ATP13A5: variants seen among roughly 807,000 people sequenced by gnomAD.
ATP13A5 encodes the protein probable cation-transporting ATPase 13A5.
A neutral mutation model predicts 150.2 loss-of-function variants in ATP13A5; 149 were observed. The ratio of observed to expected loss-of-function variants is 0.99; its 90% CI spans 0.87 to 1.14. The LOEUF is 1.14. Among genes scored for constraint, ATP13A5 ranks in the 50% most tolerant of loss-of-function variants. The pLI is 0.00. For synonymous variants in ATP13A5, 497 were observed against 522.2 expected (o/e 0.95, Z 0.66); for missense variants, 1,383 against 1,449.3 (o/e 0.95, Z 0.74).
At chr3:193,283,639 C>G (rs1235834475) in intron 27 of ATP13A5, among the ~76,000 whole-genome samples, 1 of 152,048 alleles carries the variant, frequency 6.6e-6, no homozygotes, top group Non-Finnish European at 1.5e-5. Context: ...TCCAAAACAA[C>G]TGATAGAAGT....
chr3:193,296,941 C>T (rs1427779415), intron 25 of ATP13A5, among the ~76,000 whole-genome samples: 1 of 151,906 alleles, frequency 6.6e-6, no homozygotes, highest in African/African-American at 2.4e-5. Context: ...TAGTGGGAGA[C>T]AAAACACGCT....
intron 1 of ATP13A5, among the ~76,000 whole-genome samples, chr3:193,368,421 T>TGTGTGTGTGTGTGTGG (rs1713327388): frequency 6.6e-6 from 1 of 151,186 alleles, no homozygotes; most frequent in Non-Finnish European, 1.5e-5. Flanking sequence ...TGTGTGTGTG[T>TGTGTGTGTGTGTGTGG]GGTAATTGAC....
In ATP13A5 at chr3:193,364,234, A is replaced by T; in HGVS notation, c.110T>A (p.Leu37His). 6.2e-7 allele frequency: 1 copy of T among 1,614,128 alleles called. No homozygotes were observed. Among genetic ancestry groups the T allele is most frequent in the Non-Finnish European group, 8.5e-7 (1 of 1,179,960 alleles). The stretch of plus-strand genomic sequence containing the variant: ...CCCACAGGTCAGCACGGATGCGACA[A>T]GGCAGAAGGCTTTCCGTACATTGTG... ...RDHNVRKAFC[L>H]VASVLTCGGL... The change falls in exon 2 of 30, where the codon CTT becomes CAT. Residue 37 changes from leucine (L) to histidine (H), a missense_variant. Leu to His is a moderately conservative substitution (Grantham distance 99). Coordinates refer to ENST00000342358, the MANE Select transcript of ATP13A5 (RefSeq NM_198505.4).
intron 22 of ATP13A5, among the ~76,000 whole-genome samples, chr3:193,306,942 C>T (rs139223172): frequency 5.9e-5 from 9 of 152,094 alleles, no homozygotes; most frequent in East Asian, 1.9e-4. Flanking sequence ...TTTCAAACTT[C>T]GTTTCATTGA....
chr3:193,301,105 T>A (rs1208701968), intron 24 of ATP13A5, 106 bp downstream of exon 24: 1 of 965,302 alleles, frequency 1.0e-6, no homozygotes. Context: ...TTGAGAAATG[T>A]CATTTGTTTA....
chr3:193,281,380 T>A, intron 27 of ATP13A5: 1 of 162,280 alleles, frequency 6.2e-6, no homozygotes, highest in Non-Finnish European at 1.3e-5. Context: ...GGTCATCTTT[T>A]AAAATTCAGC....
intron 24 of ATP13A5, among the ~76,000 whole-genome samples, chr3:193,300,363 G>T (rs1718351843): frequency 6.6e-6 from 1 of 152,138 alleles, no homozygotes; most frequent in African/African-American, 2.4e-5. Context: ...GACCTAATTT[G>T]TTCTTTTGGA....
At chr3:193,275,430 C>T in intron 29 of ATP13A5, 128 bp from the exon 30 acceptor site, 1 of 1,047,490 alleles carries the variant, frequency 9.5e-7, no homozygotes. Flanking sequence ...GTTGCATCTA[C>T]CTCTCCTTTC....
intron 22 of ATP13A5, chr3:193,307,043 A>C: frequency 1.1e-6 from 1 of 891,484 alleles, no homozygotes; most frequent in Non-Finnish European, 1.3e-6. Context: ...GATTTAAAGC[A>C]GATAGACTTG....
chr3:193,335,159 G>T, intron 9 of ATP13A5, 60 bp from the exon 10 acceptor site: 1 of 1,508,050 alleles, frequency 6.6e-7, no homozygotes, highest in Non-Finnish European at 9.2e-7. Context: ...CAGAACTGGT[G>T]CATGCCAGTT....
intron 5 of ATP13A5, among the ~76,000 whole-genome samples, chr3:193,355,701 T>C (rs1172845633): frequency 6.6e-6 from 1 of 152,212 alleles, no homozygotes; most frequent in African/African-American, 2.4e-5. Context: ...CTTTGACTTC[T>C]TAAGTCCCTA....
chr3:193,328,704 A>C (rs1711511157), intron 12 of ATP13A5, among the ~76,000 whole-genome samples: 1 of 152,194 alleles, frequency 6.6e-6, no homozygotes, highest in African/African-American at 2.4e-5. Flanking sequence ...CTTGGGCTGA[A>C]TTGAATAAAA....
chr3:193,324,750 T>C (rs7647391), intron 14 of ATP13A5, 114 bp downstream of exon 14: 1,174,315 of 1,200,630 alleles, frequency 0.98, 574,360 homozygotes, highest in East Asian at 1. Context: ...GTTACACGCT[T>C]ATACATACAT....
At chr3:193,359,878 GA>G (rs1206244707) in intron 5 of ATP13A5, among the ~76,000 whole-genome samples, 5 of 152,076 alleles carry the variant, frequency 3.3e-5, no homozygotes, top group South Asian at 2.1e-4. Flanking sequence ...CTGCTGCCAG[GA>G]AGTCATTTAC....
intron 1 of ATP13A5, among the ~76,000 whole-genome samples, chr3:193,373,897 A>G (rs1189208797): frequency 6.6e-6 from 1 of 152,172 alleles, no homozygotes; most frequent in Non-Finnish European, 1.5e-5. Context: ...GTCCACACCA[A>G]GCAGCCATTT....
At chr3:193,361,767 C>G (rs1192487628) in intron 5 of ATP13A5, among the ~76,000 whole-genome samples, 1 of 152,218 alleles carries the variant, frequency 6.6e-6, no homozygotes, top group East Asian at 1.9e-4. Context: ...ATTTATGCCT[C>G]TCTTTCTGAC....
chr3:193,378,735 A>G lies in ATP13A5; in HGVS notation c.-10T>C, dbSNP rs1274694233. The G allele has an allele frequency of 1.9e-6, 3 of 1,612,862 alleles. No individual in the cohort carries two copies. The highest frequency in any genetic ancestry group is 2.2e-5 in the East Asian group (1 of 44,864). On this transcript the variant is annotated 5_prime_UTR_variant, in exon 1 of 30. Transcript: ENST00000342358. ...TACTGTTCTCTTCCATCTGAACTCA[A>G]CCGGCGAGGATCTCTTCTGGCTAAC...
intron 25 of ATP13A5, among the ~76,000 whole-genome samples, chr3:193,298,086 G>A (rs1025041825): frequency 6.6e-6 from 1 of 152,042 alleles, no homozygotes; most frequent in Non-Finnish European, 1.5e-5. Context: ...AATTCTATGA[G>A]GACAGTTAGC....
At chr3:193,295,754 A>G (rs771666183) in intron 25 of ATP13A5, among the ~76,000 whole-genome samples, 4 of 152,156 alleles carry the variant, frequency 2.6e-5, no homozygotes, top group African/African-American at 7.2e-5. Flanking sequence ...AGAGAGATCC[A>G]TATTGGTTAT....
Sources: allele counts gnomAD v4.1 joint callset (sites outside exome capture counted in the v4.1 genomes callset), GRCh38; gene constraint gnomAD v4.1.1; transcripts MANE v1.5; gene names NCBI Gene and HGNC (gene_info 2026-07-23, HGNC 2026-07-21).